Variants in BCAS4 observed in about 807,000 individuals in gnomAD.
The protein encoded by BCAS4 is breast carcinoma-amplified sequence 4.
In BCAS4, 9 loss-of-function variants were observed where a neutral mutation model predicts 15.7. That is an observed-to-expected ratio of 0.57 (90% CI 0.34 to 1.00). The LOEUF is 1.00. Ranked by LOEUF, BCAS4 falls within the 50% of genes least tolerant of loss-of-function variation. BCAS4 has a pLI of 0.02. For synonymous variants in BCAS4, 101 were observed against 99.5 expected, an observed-to-expected ratio of 1.02 and a Z score of -0.09; for missense variants, 225 against 239.1, an observed-to-expected ratio of 0.94 and a Z score of 0.39.
intron 2 of BCAS4, among the ~76,000 whole-genome samples, chr20:50,829,191 G>C (rs2088313735): frequency 6.6e-6 from 1 of 152,178 alleles, no homozygotes; most frequent in Non-Finnish European, 1.5e-5. Context: ...GAGAGGCTGG[G>C]AATCAGCATT....
intron 4 of BCAS4, among the ~76,000 whole-genome samples, chr20:50,847,862 C>T (rs1380918628): frequency 1.3e-5 from 2 of 151,294 alleles, no homozygotes; most frequent in Admixed American, 6.6e-5. Context: ...GGGCAATATG[C>T]GAAACCCCAT....
At chr20:50,869,007 TC>T (rs1979497125) in intron 4 of BCAS4, among the ~76,000 whole-genome samples, 1 of 152,232 alleles carries the variant, frequency 6.6e-6, no homozygotes, top group South Asian at 2.1e-4. Context: ...GATTTTGTCT[TC>T]CTGGTCCCAA....
chr20:50,822,937 G>C (rs2088234213), intron 2 of BCAS4, among the ~76,000 whole-genome samples: 1 of 151,930 alleles, frequency 6.6e-6, no homozygotes, highest in South Asian at 2.1e-4. Context: ...CTCTTACAAA[G>C]TTGAACATGT....
In BCAS4 at chr20:50,804,934, T is replaced by G. The variant is rs141928353; in HGVS notation, c.90+9761T>G. 5.7e-3 allele frequency among the ~76,000 whole-genome samples: 865 copies of G among 152,266 alleles called. 3 individuals carry two copies. Among genetic ancestry groups the G allele is most frequent in the African/African-American group, 0.015 (639 of 41,546 alleles). ...TAACGCTACTCAGAGAATCACCTCA[T>G]TTGCTCCCTGGCTTCCGGGATCTTT... On this transcript the variant is annotated intron_variant, in intron 1 of 4. Transcript: ENST00000371608.
intron 3 of BCAS4, among the ~76,000 whole-genome samples, chr20:50,840,303 C>G (rs995144506): frequency 2.0e-5 from 3 of 152,178 alleles, no homozygotes; most frequent in Non-Finnish European, 2.9e-5. Context: ...AAATGGCACT[C>G]TGATTAAACT....
At chr20:50,839,574 C>T (rs2123803515) in intron 3 of BCAS4, among the ~76,000 whole-genome samples, 1 of 152,324 alleles carries the variant, frequency 6.6e-6, no homozygotes, top group South Asian at 2.1e-4. Flanking sequence ...ATGATCTCAG[C>T]TCACTGCAAC....
chr20:50,870,893 TG>T (rs1979604606), intron 4 of BCAS4, among the ~76,000 whole-genome samples: 2 of 151,742 alleles, frequency 1.3e-5, no homozygotes. Flanking sequence ...GGCCTTGGGC[TG>T]GGGGTGGGCT....
At chr20:50,866,846 T>C (rs979642632) in intron 4 of BCAS4, among the ~76,000 whole-genome samples, 3 of 152,182 alleles carry the variant, frequency 2.0e-5, no homozygotes, top group South Asian at 2.1e-4. Context: ...GAGCCTCAGT[T>C]TCCCCTTTTG....
chr20:50,845,894 C>A (rs1386496230), intron 4 of BCAS4, among the ~76,000 whole-genome samples: 1 of 152,234 alleles, frequency 6.6e-6, no homozygotes, highest in African/African-American at 2.4e-5. Context: ...GCAGGCTGCC[C>A]GCTGCCCAGG....
At position 50,805,527 on chromosome 20, in the gene BCAS4, A is replaced by T. The variant is rs1162899899; in HGVS notation, c.90+10354A>T. On this transcript the variant is annotated intron_variant, in intron 1 of 4. Coordinates refer to ENST00000371608, the MANE Select transcript of BCAS4 (RefSeq NM_198799.4). ...TACCTGGCACAAGCTGGGGCCCAGT[A>T]GCAGCCAGCCCATTTAAATAGGGCC... 2.6e-5 allele frequency among the ~76,000 whole-genome samples: 4 copies of T among 152,218 alleles called. No individual in the cohort carries two copies. In the East Asian group the frequency reaches 5.8e-4, roughly 22 times the overall value.
At chr20:50,799,038 G>A (rs115875722) in intron 1 of BCAS4, among the ~76,000 whole-genome samples, 1,930 of 152,232 alleles carry the variant, frequency 0.013, 42 homozygotes, top group African/African-American at 0.044. Flanking sequence ...GCATACTTTG[G>A]TCTAGTGTCC....
intron 4 of BCAS4, among the ~76,000 whole-genome samples, chr20:50,859,696 G>A (rs6020799): frequency 0.022 from 3,273 of 152,196 alleles, 106 homozygotes; most frequent in African/African-American, 0.07. Flanking sequence ...GCTTAGAGCC[G>A]CTGGAATGGT....
At chr20:50,852,608 C>G (rs947920575) in intron 4 of BCAS4, among the ~76,000 whole-genome samples, 2 of 151,744 alleles carry the variant, frequency 1.3e-5, no homozygotes, top group African/African-American at 4.9e-5. Context: ...TCTTGAACTC[C>G]TGACCCCAAG....
At chr20:50,841,692 A>G in intron 3 of BCAS4, 74 bp from the exon 4 acceptor site, 2 of 1,601,940 alleles carry the variant, frequency 1.2e-6, no homozygotes, top group African/African-American at 1.3e-5. Flanking sequence ...AGTCCCCACC[A>G]GCCCAGGGAG....
intron 2 of BCAS4, among the ~76,000 whole-genome samples, chr20:50,820,909 A>G (rs552474695): frequency 4.1e-4 from 63 of 152,276 alleles, no homozygotes; most frequent in African/African-American, 1.4e-3. Context: ...GGGGGGGAAA[A>G]AAGCAGGCAT....
In BCAS4 at chr20:50,876,630, G is replaced by C; in HGVS notation, c.*22G>C. The C allele has an allele frequency of 6.2e-7, 1 of 1,612,470 alleles. No homozygotes were observed. The highest frequency in any genetic ancestry group is 8.5e-7 in the Non-Finnish European group (1 of 1,179,292). On this transcript the variant is annotated 3_prime_UTR_variant, in exon 5 of 5. Coordinates refer to ENST00000371608, the MANE Select transcript of BCAS4 (RefSeq NM_198799.4). Reference sequence around the variant, plus strand: ...GTGAGCTTTGTGGTCTTCCCATCAGGAACGCTGGAAAGTGACATTGTGTAC... The same window carrying C: ...GTGAGCTTTGTGGTCTTCCCATCAGCAACGCTGGAAAGTGACATTGTGTAC...
At chr20:50,841,660 G>A in intron 3 of BCAS4, 106 bp from the exon 4 acceptor site, 10 of 1,495,642 alleles carry the variant, frequency 6.7e-6, no homozygotes, top group Non-Finnish European at 9.1e-6. Flanking sequence ...AGGGAGGCTG[G>A]TCGCAGTGAT....
intron 4 of BCAS4, among the ~76,000 whole-genome samples, chr20:50,862,399 C>T (rs1281447498): frequency 1.3e-5 from 2 of 152,178 alleles, no homozygotes; most frequent in African/African-American, 2.4e-5. Flanking sequence ...TTCCCCAGAC[C>T]TTGAAAACCA....
chr20:50,817,610 C>T (rs138519123), intron 1 of BCAS4, among the ~76,000 whole-genome samples: 2,400 of 152,168 alleles, frequency 0.016, 70 homozygotes, highest in African/African-American at 0.055. Flanking sequence ...TACAGGCACA[C>T]GCCACCATGC....
Sources: gnomAD v4.1 joint callset for allele counts (sites outside exome capture counted in the v4.1 genomes callset) on GRCh38, gnomAD v4.1.1 for gene constraint, MANE v1.5 for transcripts, NCBI Gene and HGNC (gene_info 2026-07-23, HGNC 2026-07-21) for gene names.